STK3: variants seen among roughly 807,000 people sequenced by gnomAD.
STK3 encodes the protein serine/threonine kinase 3.
STK3 carries 41 observed loss-of-function variants against 58.0 expected under a neutral mutation model. That is an observed-to-expected ratio of 0.71 (90% confidence interval 0.55 to 0.92). The LOEUF is 0.92. Ranked by LOEUF, STK3 falls within the 40% of genes least tolerant of loss-of-function variation. The pLI is 0.00. For synonymous variants in STK3, 170 were observed against 191.0 expected (o/e 0.89, Z 0.91); for missense variants, 479 against 602.7 (o/e 0.79, Z 2.15).
At chr8:98,656,101 A>G (rs1331170610) in intron 6 of STK3, among the ~76,000 whole-genome samples, 1 of 152,216 alleles carries the variant, frequency 6.6e-6, no homozygotes, top group African/African-American at 2.4e-5. Flanking sequence ...TCCAACAATG[A>G]TAGACTGGAT....
chr8:98,726,371 T>C (rs1563933786), intron 4 of STK3, among the ~76,000 whole-genome samples: 1 of 152,198 alleles, frequency 6.6e-6, no homozygotes, highest in Non-Finnish European at 1.5e-5. Context: ...TCAAAAGATT[T>C]AGAAAAGATG....
chr8:98,857,247 C>G (rs1238963252), intron 3 of STK3, among the ~76,000 whole-genome samples: 1 of 152,124 alleles, frequency 6.6e-6, no homozygotes, highest in Non-Finnish European at 1.5e-5. Context: ...TAAAAACAAA[C>G]AAACAATAAC....
At chr8:98,935,511 A>G (rs1350822185) in intron 1 of STK3, among the ~76,000 whole-genome samples, 1 of 152,272 alleles carries the variant, frequency 6.6e-6, no homozygotes, top group East Asian at 1.9e-4. Flanking sequence ...AATAGCATCC[A>G]AAATAATAAC....
chr8:98,740,562 C>G (rs529350492), intron 4 of STK3, among the ~76,000 whole-genome samples: 15 of 152,226 alleles, frequency 9.9e-5, no homozygotes, highest in Admixed American at 9.1e-4. Context: ...TTTGTCACCA[C>G]CAGGCGTGCC....
intron 9 of STK3, among the ~76,000 whole-genome samples, chr8:98,547,703 A>T (rs1331697323): frequency 6.6e-6 from 1 of 152,182 alleles, no homozygotes; most frequent in Non-Finnish European, 1.5e-5. Flanking sequence ...TTCTCTCTAA[A>T]ATACTTTGCA....
At chr8:98,878,626 C>CTG (rs1168634016) in intron 3 of STK3, among the ~76,000 whole-genome samples, 1 of 152,190 alleles carries the variant, frequency 6.6e-6, no homozygotes, top group Non-Finnish European at 1.5e-5. Context: ...GGGAAGAACA[C>CTG]AGCAGCAGGG....
chr8:98,637,751 G>C (rs1298087019), intron 6 of STK3, among the ~76,000 whole-genome samples: 1 of 152,046 alleles, frequency 6.6e-6, no homozygotes, highest in African/African-American at 2.4e-5. Context: ...AGTTTTAAAT[G>C]AGCAAATGAA....
At chr8:98,631,360 A>T (rs1044249982) in intron 6 of STK3, among the ~76,000 whole-genome samples, 1 of 151,772 alleles carries the variant, frequency 6.6e-6, no homozygotes, top group African/African-American at 2.4e-5. Flanking sequence ...CATCCCTCTG[A>T]TCTCATCTCC....
intron 10 of STK3, among the ~76,000 whole-genome samples, chr8:98,471,428 A>G (rs1299726722): frequency 6.6e-6 from 1 of 151,414 alleles, no homozygotes; most frequent in Admixed American, 6.6e-5. Context: ...TAAACTAAAA[A>G]TATCTGCATT....
intron 1 of STK3, among the ~76,000 whole-genome samples, chr8:98,821,874 G>A (rs1834924086): frequency 6.6e-6 from 1 of 151,992 alleles, no homozygotes; most frequent in Non-Finnish European, 1.5e-5. Context: ...AATCATCTAG[G>A]TCTCTGAGTC....
Position 98,505,817 on chromosome 8 carries a change from C to A in STK3, c.1317+20925G>T, listed in dbSNP as rs1295036403. Among the ~76,000 whole-genome samples the A allele has an allele frequency of 2.0e-5, 3 of 152,302 alleles. No homozygotes were observed. The East Asian group carries it at 5.8e-4, about 29-fold the overall frequency. ...TGTGTGAGGTGTCAGTTGGCCCCTA[C>A]TGGGAGGTGTCTCCCAGTTAGGCTA... On this transcript the variant is annotated intron_variant, in intron 10 of 10. Transcript: ENST00000419617.
At chr8:98,635,015 G>A (rs1819521632) in intron 6 of STK3, among the ~76,000 whole-genome samples, 1 of 151,990 alleles carries the variant, frequency 6.6e-6, no homozygotes, top group South Asian at 2.1e-4. Context: ...AGGAGCACGT[G>A]AGCCTGTAAA....
At chr8:98,731,971 G>C (rs903899743) in intron 4 of STK3, among the ~76,000 whole-genome samples, 14 of 151,992 alleles carry the variant, frequency 9.2e-5, no homozygotes, top group African/African-American at 3.1e-4. Context: ...TTTAAAAAAC[G>C]TATTATTCTT....
At chr8:98,436,598 C>CAGATGCAAGGAAATAA (rs1818499408) in intron 2 of STK3, 1 of 152,214 alleles carries the variant, frequency 6.6e-6, no homozygotes, top group Non-Finnish European at 1.5e-5. Context: ...TGCCAAGTAC[C>CAGATGCAAGGAAATAA]ATGTTAGATG....
At chr8:98,581,871 T>C (rs1241725709) in intron 7 of STK3, among the ~76,000 whole-genome samples, 16 of 152,030 alleles carry the variant, frequency 1.1e-4, no homozygotes. Context: ...ACAATGTCCA[T>C]GGTTTTAGCT....
chr8:98,853,189 G>C (rs1483308332), intron 3 of STK3, among the ~76,000 whole-genome samples: 1 of 152,076 alleles, frequency 6.6e-6, no homozygotes. Flanking sequence ...AGGTTGTATA[G>C]ATCTTTTTAG....
At chr8:98,709,256 G>A (rs1161709112) in intron 4 of STK3, among the ~76,000 whole-genome samples, 1 of 151,992 alleles carries the variant, frequency 6.6e-6, no homozygotes, top group Non-Finnish European at 1.5e-5. Context: ...CGACTGAGAA[G>A]CTACTTTAGA....
At chr8:98,868,341 AACCTTATTGCTGCAATTTC>A (rs1837223810) in intron 3 of STK3, among the ~76,000 whole-genome samples, 1 of 152,194 alleles carries the variant, frequency 6.6e-6, no homozygotes, top group South Asian at 2.1e-4. Context: ...AAAGATCATT[AACCTTATTGCTGCAATTTC>A]ACCACCACTT....
intron 6 of STK3, among the ~76,000 whole-genome samples, chr8:98,642,453 T>G (rs563012343): frequency 9.8e-5 from 15 of 152,310 alleles, no homozygotes; most frequent in African/African-American, 3.4e-4. Flanking sequence ...TATATAACAT[T>G]ATTTCTAAGG....
Sources: allele counts gnomAD v4.1 joint callset (sites outside exome capture counted in the v4.1 genomes callset), GRCh38; gene constraint gnomAD v4.1.1; transcripts MANE v1.5; gene names NCBI Gene and HGNC (gene_info 2026-07-23, HGNC 2026-07-21).